DPF3: variants seen among roughly 807,000 people sequenced by gnomAD.
DPF3 encodes the protein zinc finger protein DPF3.
DPF3 carries 18 observed loss-of-function variants against 56.8 expected under a neutral mutation model. The observed-to-expected ratio is 0.32, with a 90% CI of 0.22 to 0.47. The LOEUF (loss-of-function observed/expected upper bound fraction) is 0.47, where lower values mean the gene tolerates loss of function less well. DPF3 is among the 20% of genes least tolerant of loss of function. The probability of loss-of-function intolerance (pLI) is 1.00; values close to 1 mark genes in which losing one functional copy is unlikely to be tolerated. For missense variants in DPF3, 403 were observed against 488.8 expected, an observed-to-expected ratio of 0.82 and a Z score of 1.65; for synonymous variants, 188 against 180.2, an observed-to-expected ratio of 1.04 and a Z score of -0.35.
Position 72,631,864 on chromosome 14 carries a change from G to C in DPF3, c.872-2128C>G, listed in dbSNP as rs192495447. Among the ~76,000 whole-genome samples the C allele has an allele frequency of 7.4e-4, 113 of 152,326 alleles. 1 individual carries two copies. Among genetic ancestry groups the C allele is most frequent in the African/African-American group, 2.6e-3 (110 of 41,570 alleles). On this transcript the variant is annotated intron_variant, in intron 8 of 10. Transcript: ENST00000556509. Reference sequence around the variant, plus strand: ...AAAACACATAGAAGAACCTAACCTAGACTGAGATGACAAGGAAACCTTCCC... The same window carrying C: ...AAAACACATAGAAGAACCTAACCTACACTGAGATGACAAGGAAACCTTCCC...
At chr14:72,847,973 C>T (rs1321258228) in intron 1 of DPF3, among the ~76,000 whole-genome samples, 1 of 152,182 alleles carries the variant, frequency 6.6e-6, no homozygotes, top group African/African-American at 2.4e-5. Context: ...TAATGACAAG[C>T]TACTTGCCTT....
intron 2 of DPF3, among the ~76,000 whole-genome samples, chr14:72,753,740 G>A (rs1233446765): frequency 6.6e-6 from 1 of 152,154 alleles, no homozygotes; most frequent in African/African-American, 2.4e-5. Flanking sequence ...TCCTGATCCA[G>A]GTTAAGCAGG....
At chr14:72,742,412 G>A (rs1890162394) in intron 3 of DPF3, 1 of 152,266 alleles carries the variant, frequency 6.6e-6, no homozygotes, top group South Asian at 2.1e-4. Flanking sequence ...TGCAGGCCGG[G>A]AGAAGGTCGC....
chr14:72,853,290 G>A (rs867184435), intron 1 of DPF3: 2 of 151,818 alleles, frequency 1.3e-5, no homozygotes, highest in Admixed American at 1.3e-4. Flanking sequence ...ATCTGTAACT[G>A]TGAACAATCA....
intron 5 of DPF3, among the ~76,000 whole-genome samples, chr14:72,720,198 ATGG>A (rs934400446): frequency 6.6e-6 from 1 of 152,102 alleles, no homozygotes; most frequent in African/African-American, 2.4e-5. Flanking sequence ...ACCACTTTAA[ATGG>A]TGGGCAATGA....
intron 1 of DPF3, chr14:72,892,447 A>G (rs1886790369): frequency 2.8e-6 from 4 of 1,438,568 alleles, no homozygotes; most frequent in Admixed American, 2.8e-5. Context: ...TCAGCTTCCA[A>G]CGTCCTCTTA....
intron 8 of DPF3, among the ~76,000 whole-genome samples, chr14:72,664,315 A>C (rs549025951): frequency 6.6e-6 from 1 of 151,590 alleles, no homozygotes; most frequent in East Asian, 2.0e-4. Flanking sequence ...AGTTTCTTCA[A>C]ATTTCCACCC....
intron 3 of DPF3, among the ~76,000 whole-genome samples, chr14:72,737,336 C>T (rs1030595158): frequency 2.0e-5 from 3 of 152,212 alleles, no homozygotes; most frequent in South Asian, 2.1e-4. Context: ...GACACAGGTG[C>T]CCCAAGCCTG....
chr14:72,636,195 T>C (rs1350966455), intron 8 of DPF3, among the ~76,000 whole-genome samples: 1 of 152,214 alleles, frequency 6.6e-6, no homozygotes, highest in Non-Finnish European at 1.5e-5. Context: ...GGGCATTCAT[T>C]AGAAAATAAT....
At chr14:72,680,343 G>T (rs1179494881) in intron 7 of DPF3, among the ~76,000 whole-genome samples, 1 of 152,204 alleles carries the variant, frequency 6.6e-6, no homozygotes, top group Non-Finnish European at 1.5e-5. Flanking sequence ...GGTTCTCCTT[G>T]GCCACTAATA....
At chr14:72,764,762 A>T (rs1003865682) in intron 2 of DPF3, among the ~76,000 whole-genome samples, 1 of 152,142 alleles carries the variant, frequency 6.6e-6, no homozygotes, top group Non-Finnish European at 1.5e-5. Flanking sequence ...AAGTGCTGGG[A>T]TTACAGGCGT....
At chr14:72,632,785 G>T (rs80356400) in intron 8 of DPF3, among the ~76,000 whole-genome samples, 4,403 of 126,088 alleles carry the variant, frequency 0.035, 173 homozygotes, top group East Asian at 0.14. Context: ...AGGGGAAGGG[G>T]ATGGGAAGGA....
intron 1 of DPF3, among the ~76,000 whole-genome samples, chr14:72,873,807 G>A (rs949175636): frequency 2.6e-5 from 4 of 151,610 alleles, no homozygotes; most frequent in Admixed American, 2.6e-4. Context: ...ATCATTCTCA[G>A]CAAACTATCA....
chr14:72,738,087 G>A (rs573443327), intron 3 of DPF3, among the ~76,000 whole-genome samples: 10 of 152,232 alleles, frequency 6.6e-5, no homozygotes, highest in East Asian at 3.9e-4. Context: ...TGTCAGACTC[G>A]TGAGGAGGGA....
At chr14:72,651,925 G>T (rs994987626) in intron 8 of DPF3, among the ~76,000 whole-genome samples, 6 of 152,124 alleles carry the variant, frequency 3.9e-5, no homozygotes, top group African/African-American at 1.4e-4. Flanking sequence ...ATAACTCCAC[G>T]TCACTGACCA....
chr14:72,754,618 A>C (rs1890715511), intron 2 of DPF3, among the ~76,000 whole-genome samples: 1 of 152,230 alleles, frequency 6.6e-6, no homozygotes. Flanking sequence ...GGATTCAGAA[A>C]ACATCAGCAC....
At chr14:72,801,972 C>G (rs1892910479) in intron 1 of DPF3, among the ~76,000 whole-genome samples, 2 of 152,216 alleles carry the variant, frequency 1.3e-5, no homozygotes. Context: ...TGATACCACC[C>G]CTGCCAGGCA....
chr14:72,850,839 A>G (rs1884956153), intron 1 of DPF3, among the ~76,000 whole-genome samples: 1 of 151,810 alleles, frequency 6.6e-6, no homozygotes, highest in Admixed American at 6.6e-5. Flanking sequence ...GCATGTGTGT[A>G]CCCATGTGAA....
rs116324539 is a variant in DPF3 at position 72,612,770 on chromosome 14, G to C, written c.*6527C>G. The C allele has an allele frequency of 1.8e-3, 666 of 365,842 alleles. 10 individuals are homozygous for C. The highest frequency in any genetic ancestry group is 0.013 in the African/African-American group (627 of 47,168). 22.7% of individuals were successfully genotyped at this position (365,842 alleles called of 1,614,324 possible). A position where few individuals can be genotyped will look rare whatever the true frequency, so the allele number is the denominator to read the frequency against. On this transcript the variant is annotated 3_prime_UTR_variant, in exon 11 of 11. Transcript: ENST00000556509. ...TATTGCCAAATATCTTTCATGAAAA[G>C]AAGCATAGGTGAACGAAGGGAAGAG...
Sources: gnomAD v4.1 joint callset for allele counts (sites outside exome capture counted in the v4.1 genomes callset) on GRCh38, gnomAD v4.1.1 for gene constraint, MANE v1.5 for transcripts, NCBI Gene and HGNC (gene_info 2026-07-23, HGNC 2026-07-21) for gene names.